DNAJB6: variants seen among roughly 807,000 people sequenced by gnomAD.
DNAJB6 encodes the protein dnaJ homolog subfamily B member 6.
DNAJB6 carries 16 observed loss-of-function variants against 42.7 expected under a neutral mutation model. The ratio of observed to expected loss-of-function variants is 0.37; its 90% CI spans 0.25 to 0.57. The LOEUF is 0.57. DNAJB6 is among the 20% of genes least tolerant of loss of function. The probability of loss-of-function intolerance (pLI) is 0.74; values close to 1 mark genes in which losing one functional copy is unlikely to be tolerated. For synonymous variants in DNAJB6, 170 were observed against 163.5 expected (o/e 1.04, Z -0.30); for missense variants, 347 against 416.8 (o/e 0.83, Z 1.46).
chr7:157,340,995 T>TGCGCGC (rs751064853), intron 1 of DNAJB6, among the ~76,000 whole-genome samples: 7 of 99,850 alleles, frequency 7.0e-5, no homozygotes, highest in African/African-American at 2.5e-4. Flanking sequence ...TGTGTGTGTG[T>TGCGCGC]GTGCGCGCGC....
At chr7:157,414,212 G>A (rs1796050622) in intron 9 of DNAJB6, 2 of 152,488 alleles carry the variant, frequency 1.3e-5, no homozygotes, top group Admixed American at 1.3e-4. Context: ...CTTTGTTCTG[G>A]GGTCTTGGTA....
chr7:157,403,525 G>A (rs192230024), intron 8 of DNAJB6, among the ~76,000 whole-genome samples: 1 of 152,290 alleles, frequency 6.6e-6, no homozygotes, highest in East Asian at 1.9e-4. Context: ...GGAGTCCAGT[G>A]GTGCAGTCTC....
chr7:157,364,025 C>G (rs750344122), intron 3 of DNAJB6, among the ~76,000 whole-genome samples: 11 of 152,136 alleles, frequency 7.2e-5, no homozygotes, highest in Non-Finnish European at 1.6e-4. Flanking sequence ...GATGGACTAA[C>G]TGAACCCTGG....
At chr7:157,382,923 C>T (rs2117079229) in intron 6 of DNAJB6, among the ~76,000 whole-genome samples, 1 of 152,246 alleles carries the variant, frequency 6.6e-6, no homozygotes, top group South Asian at 2.1e-4. Flanking sequence ...TCATGATATG[C>T]CTGTGTGTTT....
chr7:157,355,015 C>G (rs892835364), intron 1 of DNAJB6, among the ~76,000 whole-genome samples: 2 of 152,124 alleles, frequency 1.3e-5, no homozygotes, highest in African/African-American at 4.8e-5. Flanking sequence ...TCTGAAGTGC[C>G]CAGGAGAGGC....
chr7:157,347,986 G>T (rs1473568162), intron 1 of DNAJB6, among the ~76,000 whole-genome samples: 1 of 151,676 alleles, frequency 6.6e-6, no homozygotes, highest in Non-Finnish European at 1.5e-5. Context: ...AGTAGAGATG[G>T]TGTTACGTCA....
chr7:157,382,197 A>C (rs1451045851), intron 5 of DNAJB6, 49 bp from the exon 6 acceptor site: 1 of 1,529,288 alleles, frequency 6.5e-7, no homozygotes, highest in African/African-American at 1.4e-5. Flanking sequence ...ACATGAGGAA[A>C]AAAACTTGAA....
chr7:157,382,582 ATCT>A (rs1473965951), intron 6 of DNAJB6: 4 of 389,536 alleles, frequency 1.0e-5, no homozygotes, highest in Middle Eastern at 7.0e-4. Context: ...GTGCTTGGAA[ATCT>A]TCTCCTCTTA....
At chr7:157,390,126 A>T (rs1453602711) in intron 8 of DNAJB6, among the ~76,000 whole-genome samples, 1 of 152,202 alleles carries the variant, frequency 6.6e-6, no homozygotes, top group Admixed American at 6.5e-5. Context: ...GGAAACCCAG[A>T]TGGTGGTTGC....
At chr7:157,407,750 G>A (rs1795825039) in intron 8 of DNAJB6, among the ~76,000 whole-genome samples, 1 of 152,184 alleles carries the variant, frequency 6.6e-6, no homozygotes, top group South Asian at 2.1e-4. Context: ...AAGCCACGTT[G>A]CCACACAACA....
chr7:157,351,911 T>C (rs1799001294), intron 1 of DNAJB6, among the ~76,000 whole-genome samples: 1 of 152,190 alleles, frequency 6.6e-6, no homozygotes, highest in Non-Finnish European at 1.5e-5. Flanking sequence ...GAGAATTGCT[T>C]GAACCCGGGA....
chr7:157,409,767 G>C (rs1284710959), intron 8 of DNAJB6, 28 bp from the exon 9 acceptor site: 6 of 1,502,400 alleles, frequency 4.0e-6, no homozygotes, highest in Non-Finnish European at 5.3e-6. Context: ...GCTCACTCAC[G>C]GCTCTCTCTC....
intron 8 of DNAJB6, among the ~76,000 whole-genome samples, chr7:157,405,315 G>A (rs1231983479): frequency 1.3e-5 from 2 of 152,202 alleles, no homozygotes; most frequent in East Asian, 1.9e-4. Flanking sequence ...TGAGTTGTGT[G>A]TTCCTCGGCC....
At chr7:157,403,091 C>G (rs1795594387) in intron 8 of DNAJB6, among the ~76,000 whole-genome samples, 3 of 152,180 alleles carry the variant, frequency 2.0e-5, no homozygotes, top group Admixed American at 2.0e-4. Flanking sequence ...GATGTACGTT[C>G]CGGAAAGGTG....
rs112831278 is a variant in DNAJB6, at chr7:157,399,422, CGTAAGGT to C, written c.692-10372_692-10366del. Among the ~76,000 whole-genome samples, 197 of 152,322 alleles carry C rather than the reference CGTAAGGT, an allele frequency of 1.3e-3. 1 individual carries two copies. The highest frequency in any genetic ancestry group is 4.4e-3 in the African/African-American group (183 of 41,570). On this transcript the variant is annotated intron_variant, in intron 8 of 9. Transcript: ENST00000262177. ...TGGTCCACGTAGACCGCAGGGGTTG[CGTAAGGT>C]TAGGACGGCATTTTCACTGCATGTG...
At chr7:157,339,931 T>C (rs76700425) in intron 1 of DNAJB6, 2,138 of 152,380 alleles carry the variant, frequency 0.014, 43 homozygotes, top group African/African-American at 0.049. Context: ...CGGCTGTCAC[T>C]TTAAAGAGTA....
At chr7:157,358,893 C>T (rs2116950391) in intron 2 of DNAJB6, among the ~76,000 whole-genome samples, 1 of 152,324 alleles carries the variant, frequency 6.6e-6, no homozygotes, top group Admixed American at 6.5e-5. Context: ...TAATCCCAAA[C>T]ATCTTTTACA....
At chr7:157,395,231 G>C (rs990105513) in intron 8 of DNAJB6, among the ~76,000 whole-genome samples, 3 of 152,244 alleles carry the variant, frequency 2.0e-5, no homozygotes, top group Non-Finnish European at 2.9e-5. Context: ...AGGGGGCTGG[G>C]GGGGGGTTGG....
At chr7:157,386,097 A>G in intron 8 of DNAJB6, 1 of 978,606 alleles carries the variant, frequency 1.0e-6, no homozygotes, top group Middle Eastern at 5.3e-4. Context: ...AGATATTAAT[A>G]CATTAATGGT....
Sources: allele counts gnomAD v4.1 joint callset (sites outside exome capture counted in the v4.1 genomes callset), GRCh38; gene constraint gnomAD v4.1.1; transcripts MANE v1.5; gene names NCBI Gene and HGNC (gene_info 2026-07-23, HGNC 2026-07-21).